Variants in GDF9 observed in about 807,000 individuals in gnomAD.
GDF9 encodes the protein growth differentiation factor 9.
In GDF9, 30 loss-of-function variants were observed where a neutral mutation model predicts 33.8. The observed-to-expected ratio is 0.89, with a 90% CI of 0.66 to 1.20. The LOEUF (loss-of-function observed/expected upper bound fraction) is 1.20. GDF9 is among the 50% of genes most tolerant of loss of function. The pLI is 0.00. For synonymous variants in GDF9, 205 were observed against 200.7 expected (o/e 1.02, Z -0.18); for missense variants, 556 against 543.7 (o/e 1.02, Z -0.22).
In GDF9 at chr5:132,861,561, A is replaced by G. The variant is rs1180492736; in HGVS notation, c.*28T>C. ...GCACACAGTAGTTACTTTGCCAAAT[A>G]GGCTCAAGGTTTTAAGAGGACCATT... is the stretch of plus-strand genomic sequence containing the variant. On this transcript the variant is annotated 3_prime_UTR_variant, in exon 2 of 2. Coordinates refer to ENST00000687138, the MANE Select transcript of GDF9 (RefSeq NM_005260.7). The G allele has an allele frequency of 1.2e-6, 2 of 1,606,310 alleles. No individual in the cohort carries two copies. Among genetic ancestry groups the G allele is most frequent in the Non-Finnish European group, 1.7e-6 (2 of 1,173,126 alleles).
At position 132,864,703 on chromosome 5, in the gene GDF9, A is replaced by C; in HGVS notation, c.-170T>G. 1 of 633,212 alleles carries C rather than the reference A, an allele frequency of 1.6e-6. No homozygotes were observed. Among genetic ancestry groups the C allele is most frequent in the Non-Finnish European group, 2.8e-6 (1 of 361,880 alleles). The allele number at this position is 633,212 out of a possible 1,614,324, so 39.2% of individuals were successfully genotyped here. A position where few individuals can be genotyped will look rare whatever the true frequency, so the allele number is the denominator to read the frequency against. ...TAGCTGAAGATTTTATCAGCTCTATATCAAGCAGCTGATAACACCTTATTT... is the reference window on the plus strand; with the variant it reads ...TAGCTGAAGATTTTATCAGCTCTATCTCAAGCAGCTGATAACACCTTATTT... On this transcript the variant is annotated 5_prime_UTR_variant, in exon 1 of 2. Coordinates refer to ENST00000687138, the MANE Select transcript of GDF9 (RefSeq NM_005260.7).
At position 132,865,843 on chromosome 5, in the gene GDF9, CATA is replaced by C. The variant is rs547728940; in HGVS notation, c.-1313_-1311del. 2.0e-5 allele frequency among the ~76,000 whole-genome samples: 3 copies of C among 152,058 alleles called. No homozygotes were observed. Among genetic ancestry groups the C allele is most frequent in the Non-Finnish European group, 2.9e-5 (2 of 68,012 alleles). On this transcript the variant is annotated 5_prime_UTR_variant, in exon 1 of 2. The change creates a new upstream start codon in the 5' untranslated region. Coordinates refer to ENST00000687138, the MANE Select transcript of GDF9 (RefSeq NM_005260.7). ...CAAGCAGAATGCACTTCAGGGAAAA[CATA>C]ATAAGGCCTCTCACCCGACTTTCCT... is the stretch of plus-strand genomic sequence containing the variant.
chr5:132,866,599 C>T (rs1759621288), upstream of GDF9: 1 of 538,360 alleles, frequency 1.9e-6, no homozygotes, highest in African/African-American at 1.9e-5. Flanking sequence ...CGGAAGTTAC[C>T]TCACGACCTC....
At position 132,865,856 on chromosome 5, in the gene GDF9, C is replaced by A. The variant is rs1759570059; in HGVS notation, c.-1323G>T. 6.6e-6 allele frequency among the ~76,000 whole-genome samples: 1 copy of A among 152,162 alleles called. No homozygotes were observed. The highest frequency in any genetic ancestry group is 2.4e-5 in the African/African-American group (1 of 41,438). The stretch of plus-strand genomic sequence containing the variant: ...CTTCAGGGAAAACATAATAAGGCCT[C>A]TCACCCGACTTTCCTTGCTTCTCAC... On this transcript the variant is annotated 5_prime_UTR_variant, in exon 1 of 2. Coordinates refer to ENST00000687138, the MANE Select transcript of GDF9 (RefSeq NM_005260.7).
chr5:132,864,727 T>G lies in GDF9; in HGVS notation c.-194A>C. On this transcript the variant is annotated 5_prime_UTR_variant, in exon 1 of 2. Transcript: ENST00000687138. ...TATCAAGCAGCTGATAACACCTTAT[T>G]TAGCCAATTTGTTAATTAGATACAG... 2 of 589,304 alleles carry G rather than the reference T, an allele frequency of 3.4e-6. No individual in the cohort carries two copies. The highest frequency in any genetic ancestry group is 6.0e-6 in the Non-Finnish European group (2 of 333,734). The allele number at this position is 589,304 out of a possible 1,614,324, so 36.5% of individuals were successfully genotyped here.
Position 132,864,429 on chromosome 5 carries a change from A to T in GDF9, c.105T>A (p.Ala35=). ...SQASGGEAQI[A]ASAELESGAM... is the part of the protein sequence containing the mutation. ...CCCCAGATTCCAACTCAGCACTAGC[A>T]GCAATCTGAGCTTCTCCCCCAGAAG... Residue 35 remains alanine (A), a synonymous_variant, in exon 1 of 2, where the codon GCT becomes GCA. Transcript: ENST00000687138. 2 of 1,613,908 alleles carry T rather than the reference A, an allele frequency of 1.2e-6. No homozygotes were observed. The highest frequency in any genetic ancestry group is 1.7e-6 in the Non-Finnish European group (2 of 1,179,900).
In GDF9 at chr5:132,861,841, A is replaced by G; in HGVS notation, c.1113T>C (p.Ile371=). 3 of 1,614,132 alleles carry G rather than the reference A, an allele frequency of 1.9e-6. No homozygotes were observed. The highest frequency in any genetic ancestry group is 2.5e-6 in the Non-Finnish European group (3 of 1,179,964). The change falls in exon 2 of 2, where the codon ATT becomes ATC. Residue 371 remains isoleucine (I), a synonymous_variant. Transcript: ENST00000687138. ...GAGGGTTGTACCTGTGCGGAGCCAC[A>G]ATCCAGTTGTCCCACTTCAGCTGAC... ...SFSQLKWDNW[I]VAPHRYNPRY... is the part of the protein sequence containing the mutation.
In GDF9 at chr5:132,864,722, CTTAT is replaced by C. The variant is rs531180247; in HGVS notation, c.-193_-190del. ...CTCTATATCAAGCAGCTGATAACAC[CTTAT>C]TTAGCCAATTTGTTAATTAGATACA... On this transcript the variant is annotated 5_prime_UTR_variant, in exon 1 of 2. An upstream open reading frame in the 5' UTR loses its in-frame stop. Transcript: ENST00000687138. 1.0e-3 allele frequency: 591 copies of C among 591,648 alleles called. 6 individuals carry two copies. The highest frequency in any genetic ancestry group is 5.4e-3 in the South Asian group (256 of 47,286). 36.6% of individuals were successfully genotyped at this position (591,648 alleles called of 1,614,324 possible).
rs993023804 is a variant in GDF9, at chr5:132,865,638, G to T, written c.-1105C>A. 3.3e-5 allele frequency: 5 copies of T among 152,158 alleles called. No individual in the cohort carries two copies. Among genetic ancestry groups the T allele is most frequent in the Admixed American group, 1.3e-4 (2 of 15,278 alleles). The allele number at this position is 152,158 out of a possible 1,614,324, so 9.4% of individuals were successfully genotyped here. A position where few individuals can be genotyped will look rare whatever the true frequency, so the allele number is the denominator to read the frequency against. On this transcript the variant is annotated 5_prime_UTR_variant, in exon 1 of 2. Coordinates refer to ENST00000687138, the MANE Select transcript of GDF9 (RefSeq NM_005260.7). ...GCAGTACCTACATGAGAAAACTAAGGTATGTCTGCAAAATACAAGTTGACT... is the reference window on the plus strand; with the variant it reads ...GCAGTACCTACATGAGAAAACTAAGTTATGTCTGCAAAATACAAGTTGACT...
At position 132,864,304 on chromosome 5, in the gene GDF9, G is replaced by C; in HGVS notation, c.230C>G (p.Pro77Arg). ...KVLSVGRGGS[P>R]RLQPDSRALH... ...AGCTCTGGAGTCTGGCTGCAGCCTA[G>C]GTGACCCACCTCGCCCAACAGATAG... The change falls in exon 1 of 2, where the codon CCT becomes CGT. Residue 77 changes from proline to arginine, a missense_variant. Transcript: ENST00000687138. The C allele has an allele frequency of 6.2e-7, 1 of 1,614,202 alleles. No homozygotes were observed. The highest frequency in any genetic ancestry group is 1.1e-5 in the South Asian group (1 of 91,084).
chr5:132,866,549 A>C (rs1456047363), upstream of GDF9: 1 of 365,810 alleles, frequency 2.7e-6, no homozygotes, highest in African/African-American at 2.1e-5. Flanking sequence ...TCTGGGACAA[A>C]GGCGTCATCC....
chr5:132,864,169 C>T lies in GDF9; in HGVS notation c.365G>A (p.Arg122Gln), dbSNP rs1313744141. ...NTVRLFTPCT[R>Q]HKQAPGDQVT... ...CTGGTCTCCAGGAGCCTGCTTGTGC[C>T]GGGTACAGGGGGTGAAGAGCCGAAC... The change falls in exon 1 of 2, where the codon CGG becomes CAG. Residue 122 changes from arginine to glutamine, a missense_variant. Arg to Gln is a conservative substitution (Grantham distance 43). Transcript: ENST00000687138. 11 of 1,614,044 alleles carry T rather than the reference C, an allele frequency of 6.8e-6. No homozygotes were observed. The highest frequency in any genetic ancestry group is 5.0e-5 in the Admixed American group (3 of 60,012).
intron 1 of GDF9, 78 bp downstream of exon 1, chr5:132,864,059 C>T (rs1759434608): frequency 1.4e-6 from 2 of 1,406,860 alleles, no homozygotes; most frequent in East Asian, 2.3e-5. Flanking sequence ...GAACTAGGCT[C>T]AGCTCCTTTC....
In GDF9 at chr5:132,864,248, A is replaced by G. The variant is rs1254962303; in HGVS notation, c.286T>C (p.Tyr96His). Reference protein sequence around the residue: ...LHYMKKLYKTYATKEGIPKSN... With the variant: ...LHYMKKLYKTHATKEGIPKSN... ...TTAGGAATCCCTTCCTTGGTAGCAT[A>G]TGTCTTATAGAGCTTCTTCATGTAG... is the stretch of plus-strand genomic sequence containing the variant. The change falls in exon 1 of 2, where the codon TAT (tyrosine) becomes CAT (histidine). Residue 96 changes from tyrosine to histidine, a missense_variant. Physicochemically the swap from Tyr to His is moderately conservative, Grantham distance 83. Coordinates refer to ENST00000687138, the MANE Select transcript of GDF9 (RefSeq NM_005260.7). The G allele has an allele frequency of 6.2e-7, 1 of 1,614,176 alleles. No homozygotes were observed. Among genetic ancestry groups the G allele is most frequent in the East Asian group, 2.2e-5 (1 of 44,884 alleles).
Position 132,864,170 on chromosome 5 carries a change from G to A in GDF9, c.364C>T (p.Arg122Trp), listed in dbSNP as rs780122787. 1.6e-5 allele frequency: 26 copies of A among 1,614,042 alleles called. No homozygotes were observed. The highest frequency in any genetic ancestry group is 1.6e-4 in the Middle Eastern group (1 of 6,084). Residue 122 changes from arginine to tryptophan, a missense_variant, in exon 1 of 2, where the codon CGG (arginine) becomes TGG (tryptophan). Coordinates refer to ENST00000687138, the MANE Select transcript of GDF9 (RefSeq NM_005260.7). ...TGGTCTCCAGGAGCCTGCTTGTGCC[G>A]GGTACAGGGGGTGAAGAGCCGAACA... ...NTVRLFTPCT[R>W]HKQAPGDQVT...
In GDF9 at chr5:132,865,685, CGTAA is replaced by C. The variant is rs1759559674; in HGVS notation, c.-1156_-1153del. 1 of 152,086 alleles carries C rather than the reference CGTAA, an allele frequency of 6.6e-6. No individual in the cohort carries two copies. The highest frequency in any genetic ancestry group is 2.4e-5 in the African/African-American group (1 of 41,400). 9.4% of individuals were successfully genotyped at this position (152,086 alleles called of 1,614,324 possible). ...GACTGCCTGCCGAGCCTCCGTGGTC[CGTAA>C]GTAGTGTTATAAAACACAGCCAACT... On this transcript the variant is annotated 5_prime_UTR_variant, in exon 1 of 2. Coordinates refer to ENST00000687138, the MANE Select transcript of GDF9 (RefSeq NM_005260.7).
rs1759547183 is a variant in GDF9, at chr5:132,865,503, A to G, written c.-970T>C. ...CATTATGGTTTAAAAAAATGAGGCA[A>G]AGGAGCACCATGAAAAGCTGAAATG... On this transcript the variant is annotated 5_prime_UTR_variant, in exon 1 of 2. Transcript: ENST00000687138. 6.6e-6 allele frequency: 1 copy of G among 152,206 alleles called. No individual in the cohort carries two copies. The highest frequency in any genetic ancestry group is 1.5e-5 in the Non-Finnish European group (1 of 68,042). 9.4% of individuals were successfully genotyped at this position (152,206 alleles called of 1,614,324 possible).
At chr5:132,864,033 T>C (rs1759433287) in intron 1 of GDF9, 104 bp downstream of exon 1, 16 of 1,240,014 alleles carry the variant, frequency 1.3e-5, no homozygotes, top group Non-Finnish European at 1.8e-5. Context: ...TTATGCAAAA[T>C]AAAATACAAT....
At position 132,862,550 on chromosome 5, in the gene GDF9, A is replaced by C; in HGVS notation, c.404T>G (p.Leu135Arg). 1 of 1,604,452 alleles carries C rather than the reference A, an allele frequency of 6.2e-7. No individual in the cohort carries two copies. The highest frequency in any genetic ancestry group is 8.5e-7 in the Non-Finnish European group (1 of 1,178,640). ...QAPGDQVTGI[L>R]PSVELLFNLD... ...GTTAAATAGCAGTTCCACTGATGGA[A>C]GGATTCCTAAGAAGAAAAAAAATCT... The change falls in exon 2 of 2, where the codon CTT (leucine) becomes CGT (arginine). Residue 135 changes from leucine (L) to arginine (R), a missense_variant. Leu to Arg is a moderately radical substitution (Grantham distance 102). Transcript: ENST00000687138.
Sources: allele counts gnomAD v4.1 joint callset (sites outside exome capture counted in the v4.1 genomes callset), GRCh38; gene constraint gnomAD v4.1.1; transcripts MANE v1.5; gene names NCBI Gene and HGNC (gene_info 2026-07-23, HGNC 2026-07-21).